The following DCAF6 variants were observed in gnomAD, a reference collection of about 807,000 sequenced individuals.
DCAF6 encodes the protein DDB1- and CUL4-associated factor 6.
In DCAF6, 54 loss-of-function variants were observed where a neutral mutation model predicts 125.1. The ratio of observed to expected loss-of-function variants is 0.43; its 90% CI spans 0.35 to 0.54. DCAF6 has a LOEUF of 0.54. Among genes scored for constraint, DCAF6 ranks in the 20% least tolerant of loss-of-function variants. The pLI is 0.01. For missense variants in DCAF6, 934 were observed against 1,161.7 expected, an observed-to-expected ratio of 0.80 and a Z score of 2.85; for synonymous variants, 371 against 390.4, an observed-to-expected ratio of 0.95 and a Z score of 0.58.
At chr1:168,026,857 C>A (rs569825738) in intron 12 of DCAF6, among the ~76,000 whole-genome samples, 1 of 151,986 alleles carries the variant, frequency 6.6e-6, no homozygotes, top group Non-Finnish European at 1.5e-5. Flanking sequence ...TTATAGATAG[C>A]AGTTGAAACC....
the DCAF6 span, among the ~76,000 whole-genome samples, chr1:167,863,822 C>T: frequency 0.18 from 27,459 of 152,148 alleles, 3,027 homozygotes; most frequent in East Asian, 0.4. Context: ...ACTTGGAGTC[C>T]GGACAACTAA....
chr1:167,938,985 T>C (rs1671810233), intron 1 of DCAF6, among the ~76,000 whole-genome samples: 1 of 152,238 alleles, frequency 6.6e-6, no homozygotes, highest in South Asian at 2.1e-4. Context: ...TCTTAAATAA[T>C]ATTTTAGATA....
intron 16 of DCAF6, among the ~76,000 whole-genome samples, chr1:168,049,431 G>GTTTTTTTTTTTTTTTT (rs11369573): frequency 2.0e-5 from 2 of 101,224 alleles, no homozygotes; most frequent in Non-Finnish European, 3.7e-5. Context: ...TGTTGTTGTT[G>GTTTTTTTTTTTTTTTT]TTTTTTTTTT....
rs1214049416 is a variant in DCAF6 at position 168,050,877 on chromosome 1, T to C, written c.2259-15T>C. On this transcript the variant is annotated splice_polypyrimidine_tract_variant and intron_variant, in intron 16 of 21. Coordinates refer to ENST00000367840, the MANE Select transcript of DCAF6 (RefSeq NM_001198956.2). ...TCTTTGTAAGTGATTTCAGTTATTG[T>C]GTTCCCTTCACTAGATTTAATATCA... The C allele has an allele frequency of 6.0e-6, 8 of 1,333,424 alleles. No homozygotes were observed. Among genetic ancestry groups the C allele is most frequent in the Non-Finnish European group, 7.9e-6 (8 of 1,011,708 alleles). The allele number at this position is 1,333,424 out of a possible 1,614,324, so 82.6% of individuals were successfully genotyped here.
the DCAF6 span, chr1:167,894,053 T>A: frequency 1.3e-6 from 1 of 751,218 alleles, no homozygotes; most frequent in Non-Finnish European, 2.4e-6. Context: ...TTCTTGTCCT[T>A]ACAGTTGTCA....
At chr1:167,961,062 A>G (rs1032183572) in intron 2 of DCAF6, among the ~76,000 whole-genome samples, 1 of 152,178 alleles carries the variant, frequency 6.6e-6, no homozygotes, top group Non-Finnish European at 1.5e-5. Flanking sequence ...TACATATTTC[A>G]TTCAATTTAT....
chr1:167,969,459 G>C lies in DCAF6; in HGVS notation c.252+2738G>C, dbSNP rs73026130. 2.0e-5 allele frequency among the ~76,000 whole-genome samples: 3 copies of C among 152,202 alleles called. No homozygotes were observed. The South Asian group carries it at 6.2e-4, about 32-fold the overall frequency. On this transcript the variant is annotated intron_variant, in intron 3 of 21. Coordinates refer to ENST00000367840, the MANE Select transcript of DCAF6 (RefSeq NM_001198956.2). ...ATTTTCATTGGCTTTTAGCTTCTGA[G>C]TTCATATATAGAGGAAGTATACAGC...
chr1:167,919,247 C>T, the DCAF6 span, among the ~76,000 whole-genome samples: 1 of 152,168 alleles, frequency 6.6e-6, no homozygotes, highest in Non-Finnish European at 1.5e-5. Flanking sequence ...ATTCTCAATC[C>T]AAAGAAGTAA....
the DCAF6 span, among the ~76,000 whole-genome samples, chr1:167,889,643 C>T: frequency 0.18 from 27,288 of 151,954 alleles, 2,783 homozygotes; most frequent in South Asian, 0.31. Flanking sequence ...AGTTTGAGTA[C>T]GGTTGGTATT....
the DCAF6 span, among the ~76,000 whole-genome samples, chr1:167,921,728 T>A: frequency 3.9e-5 from 6 of 152,276 alleles, no homozygotes; most frequent in East Asian, 1.2e-3. Context: ...TTGTTTTTTT[T>A]TAAAAAAACT....
intron 17 of DCAF6, among the ~76,000 whole-genome samples, chr1:168,060,338 C>A (rs1691433227): frequency 6.6e-6 from 1 of 152,072 alleles, no homozygotes; most frequent in Non-Finnish European, 1.5e-5. Context: ...TGTGTACCAC[C>A]ATGCCCAGCT....
At chr1:168,063,493 G>GT in intron 17 of DCAF6, 128 bp from the exon 18 acceptor site, 1 of 699,650 alleles carries the variant, frequency 1.4e-6, no homozygotes, top group Non-Finnish European at 2.1e-6. Context: ...TATGCTTTTG[G>GT]TTGGGGGTGC....
intron 2 of DCAF6, among the ~76,000 whole-genome samples, chr1:167,952,508 G>T (rs1032955551): frequency 5.9e-5 from 9 of 152,116 alleles, no homozygotes; most frequent in Non-Finnish European, 4.4e-5. Context: ...GAGCCACTGT[G>T]CCTGTCCCAT....
the DCAF6 span, among the ~76,000 whole-genome samples, chr1:167,864,190 T>A: frequency 6.0e-3 from 910 of 152,330 alleles, 7 homozygotes; most frequent in African/African-American, 0.021. Flanking sequence ...GTGCCCTTTT[T>A]ACCCGTTCTT....
At chr1:167,964,781 A>G (rs774992258) in intron 2 of DCAF6, among the ~76,000 whole-genome samples, 10 of 152,070 alleles carry the variant, frequency 6.6e-5, no homozygotes, top group Admixed American at 4.6e-4. Flanking sequence ...TTTTATTGAT[A>G]TATCCTCAAG....
chr1:168,069,990 T>C (rs1000976988), intron 21 of DCAF6, among the ~76,000 whole-genome samples: 14 of 152,184 alleles, frequency 9.2e-5, no homozygotes, highest in Admixed American at 3.3e-4. Flanking sequence ...CTTACTCTTA[T>C]CTAGTGGATG....
chr1:167,997,937 C>T (rs1431304282), intron 7 of DCAF6, among the ~76,000 whole-genome samples: 1 of 152,014 alleles, frequency 6.6e-6, no homozygotes, highest in Admixed American at 6.6e-5. Context: ...ATGCAGATCA[C>T]AACCACAGTG....
At chr1:167,977,181 G>A (rs1678370855) in intron 4 of DCAF6, among the ~76,000 whole-genome samples, 1 of 150,100 alleles carries the variant, frequency 6.7e-6, no homozygotes. Context: ...TGGGATTACA[G>A]GCATGAACCA....
the DCAF6 span, among the ~76,000 whole-genome samples, chr1:167,895,682 C>T: frequency 4.6e-5 from 7 of 152,266 alleles, no homozygotes; most frequent in African/African-American, 1.2e-4. Context: ...AAGACTGAAG[C>T]GAATTCTGGC....
Sources: allele counts gnomAD v4.1 joint callset (sites outside exome capture counted in the v4.1 genomes callset), GRCh38; gene constraint gnomAD v4.1.1; transcripts MANE v1.5; gene names NCBI Gene and HGNC (gene_info 2026-07-23, HGNC 2026-07-21).